Variants in CTNNA3 observed in about 807,000 individuals in gnomAD.
CTNNA3 encodes the protein catenin alpha-3.
Under a neutral mutation model 95.7 loss-of-function variants are expected in CTNNA3, and 76 were observed. That is an observed-to-expected ratio of 0.79 (90% CI 0.66 to 0.96). The LOEUF (loss-of-function observed/expected upper bound fraction) is 0.96. Among genes scored for constraint, CTNNA3 ranks in the 40% least tolerant of loss-of-function variants. The pLI is 0.00. For missense variants in CTNNA3, 1,191 were observed against 1,089.8 expected, an observed-to-expected ratio of 1.09 and a Z score of -1.31; for synonymous variants, 431 against 374.4, an observed-to-expected ratio of 1.15 and a Z score of -1.74.
intron 1 of CTNNA3, among the ~76,000 whole-genome samples, chr10:67,687,000 G>C (rs1840744927): frequency 6.6e-6 from 1 of 152,158 alleles, no homozygotes; most frequent in Non-Finnish European, 1.5e-5. Context: ...GGGACTTTCA[G>C]ACACAACAAG....
At chr10:67,751,324 C>T (rs564556771) in intron 1 of CTNNA3, 4 of 783,544 alleles carry the variant, frequency 5.1e-6, no homozygotes, top group African/African-American at 1.7e-5. Flanking sequence ...CCAAGCTTAT[C>T]TGAGATCACA....
chr10:66,850,851 C>T (rs1843459479), intron 7 of CTNNA3, among the ~76,000 whole-genome samples: 1 of 152,058 alleles, frequency 6.6e-6, no homozygotes, highest in South Asian at 2.1e-4. Context: ...TATCTTCTGC[C>T]TCCAAATGTA....
chr10:66,637,068 G>A (rs1193365256), intron 9 of CTNNA3, among the ~76,000 whole-genome samples: 1 of 152,074 alleles, frequency 6.6e-6, no homozygotes, highest in Non-Finnish European at 1.5e-5. Flanking sequence ...AAATAAGACT[G>A]TCATATAAAA....
intron 10 of CTNNA3, among the ~76,000 whole-genome samples, chr10:66,543,335 C>T (rs1435856942): frequency 3.3e-5 from 5 of 152,074 alleles, no homozygotes; most frequent in Admixed American, 2.6e-4. Context: ...CGTGATCCAC[C>T]CACCTCAGCC....
intron 3 of CTNNA3, among the ~76,000 whole-genome samples, chr10:67,594,403 A>AT (rs898706070): frequency 6.6e-6 from 1 of 151,792 alleles, no homozygotes; most frequent in Non-Finnish European, 1.5e-5. Context: ...ATTAGCAGGG[A>AT]TTTTTTTATT....
At chr10:67,566,302 A>C (rs1156587448) in intron 3 of CTNNA3, among the ~76,000 whole-genome samples, 3 of 147,470 alleles carry the variant, frequency 2.0e-5, no homozygotes, top group African/African-American at 7.5e-5. Flanking sequence ...CAGAATCTAC[A>C]ATGAACTCAA....
At chr10:66,179,452 T>G (rs963582714) in intron 13 of CTNNA3, among the ~76,000 whole-genome samples, 3 of 152,140 alleles carry the variant, frequency 2.0e-5, no homozygotes, top group Non-Finnish European at 2.9e-5. Context: ...GCCTGTATCT[T>G]AATTGTATCA....
chr10:67,654,390 C>T (rs1839961908), intron 1 of CTNNA3, among the ~76,000 whole-genome samples: 1 of 152,180 alleles, frequency 6.6e-6, no homozygotes, highest in Non-Finnish European at 1.5e-5. Context: ...TCTAGCACTC[C>T]ATATCACCAA....
chr10:66,145,759 A>G (rs1367154125), intron 13 of CTNNA3, among the ~76,000 whole-genome samples: 4 of 152,106 alleles, frequency 2.6e-5, no homozygotes, highest in African/African-American at 9.7e-5. Context: ...ATTTTTTTTC[A>G]TAAGCATTGC....
intron 7 of CTNNA3, among the ~76,000 whole-genome samples, chr10:66,796,704 T>C (rs995405129): frequency 2.0e-5 from 3 of 151,994 alleles, no homozygotes; most frequent in Non-Finnish European, 2.9e-5. Flanking sequence ...CCTGTATGAA[T>C]GCAAATCTAA....
chr10:65,985,183 T>C (rs2078403364), intron 16 of CTNNA3, among the ~76,000 whole-genome samples: 2 of 150,794 alleles, frequency 1.3e-5, no homozygotes, highest in Admixed American at 6.6e-5. Flanking sequence ...TAGTGAACAA[T>C]AGTAATCATT....
At chr10:66,853,474 A>G (rs1843570760) in intron 7 of CTNNA3, among the ~76,000 whole-genome samples, 1 of 152,156 alleles carries the variant, frequency 6.6e-6, no homozygotes, top group Non-Finnish European at 1.5e-5. Flanking sequence ...CTTAAAAGTC[A>G]TAAATTCAAT....
chr10:66,745,748 C>T (rs1054869715), intron 9 of CTNNA3, among the ~76,000 whole-genome samples: 3 of 139,446 alleles, frequency 2.2e-5, no homozygotes, highest in Non-Finnish European at 3.1e-5. Context: ...CATCACCACA[C>T]CTCGCTATTT....
intron 12 of CTNNA3, among the ~76,000 whole-genome samples, chr10:66,283,594 C>G (rs1334321172): frequency 6.6e-6 from 1 of 151,772 alleles, no homozygotes; most frequent in Non-Finnish European, 1.5e-5. Flanking sequence ...CCTCTAAGGG[C>G]CTTTTACTAA....
intron 11 of CTNNA3, among the ~76,000 whole-genome samples, chr10:66,410,675 C>T (rs1292576753): frequency 6.6e-6 from 1 of 152,162 alleles, no homozygotes; most frequent in East Asian, 1.9e-4. Context: ...GTTTCCCCTG[C>T]CTTCTAGAAT....
chr10:67,070,469 C>T (rs921600690), intron 7 of CTNNA3, among the ~76,000 whole-genome samples: 21 of 151,966 alleles, frequency 1.4e-4, no homozygotes, highest in East Asian at 5.8e-4. Context: ...ATCCTTGTGG[C>T]GGGGAGCAGT....
chr10:66,080,655 C>G (rs2080720901), intron 14 of CTNNA3, among the ~76,000 whole-genome samples: 1 of 152,014 alleles, frequency 6.6e-6, no homozygotes, highest in Non-Finnish European at 1.5e-5. Flanking sequence ...AGTTAAACAG[C>G]CAAGGAAAAT....
chr10:67,160,452 T>C (rs1197293490), intron 7 of CTNNA3, among the ~76,000 whole-genome samples: 1 of 149,684 alleles, frequency 6.7e-6, no homozygotes, highest in African/African-American at 2.5e-5. Context: ...TTTTTTTTTT[T>C]TTTGAGACAG....
chr10:65,963,380 C>A (rs772756290), intron 17 of CTNNA3, among the ~76,000 whole-genome samples: 1 of 152,102 alleles, frequency 6.6e-6, no homozygotes, highest in East Asian at 1.9e-4. Flanking sequence ...TTTCAGTTGT[C>A]CCCTCTATCT....
Sources: gnomAD v4.1 joint callset for allele counts (sites outside exome capture counted in the v4.1 genomes callset) on GRCh38, gnomAD v4.1.1 for gene constraint, MANE v1.5 for transcripts, NCBI Gene and HGNC (gene_info 2026-07-23, HGNC 2026-07-21) for gene names.